IL1RAPL1: variants seen among roughly 807,000 people sequenced by gnomAD.
IL1RAPL1 encodes interleukin-1 receptor accessory protein-like 1.
A neutral mutation model predicts 48.4 loss-of-function variants in IL1RAPL1; 3 were observed. The observed-to-expected ratio is 0.06, with a 90% CI of 0.03 to 0.16. The LOEUF (loss-of-function observed/expected upper bound fraction) is 0.16, where lower values mean the gene tolerates loss of function less well. Ranked by LOEUF, IL1RAPL1 falls within the 10% of genes least tolerant of loss-of-function variation. The probability of loss-of-function intolerance (pLI) is 1.00; values close to 1 mark genes in which losing one functional copy is unlikely to be tolerated. For synonymous variants in IL1RAPL1, 185 were observed against 187.7 expected (o/e 0.99, Z 0.12); for missense variants, 349 against 530.6 (o/e 0.66, Z 3.36).
At chrX:29,513,999 C>T (rs1192846925) in intron 5 of IL1RAPL1, among the ~76,000 whole-genome samples, 2 of 111,607 alleles carry the variant, frequency 1.8e-5, no homozygotes, top group South Asian at 3.7e-4. Context: ...TTTGATTTGA[C>T]ATATGAAATA....
At chrX:28,928,537 G>A (rs1462375959) in intron 2 of IL1RAPL1, among the ~76,000 whole-genome samples, 1 of 111,576 alleles carries the variant, frequency 9.0e-6, no homozygotes, top group African/African-American at 3.3e-5. Context: ...TTTCCCACTT[G>A]CATCTCAGGC....
intron 5 of IL1RAPL1, among the ~76,000 whole-genome samples, chrX:29,464,701 A>G (rs185039165): frequency 1.8e-5 from 2 of 112,319 alleles, no homozygotes; most frequent in South Asian, 3.7e-4. Flanking sequence ...CAACAGTAGA[A>G]TGAATAAAGA....
chrX:29,705,132 C>A (rs1251376206), intron 6 of IL1RAPL1, among the ~76,000 whole-genome samples: 1 of 111,630 alleles, frequency 9.0e-6, no homozygotes, highest in Non-Finnish European at 1.9e-5. Flanking sequence ...ATTTAAAAAC[C>A]CAACTGTAAA....
intron 5 of IL1RAPL1, among the ~76,000 whole-genome samples, chrX:29,430,581 GTATA>G (rs10534053): frequency 8.3e-4 from 87 of 105,114 alleles, no homozygotes; most frequent in African/African-American, 1.2e-3. Context: ...TTATATATGT[GTATA>G]TATATATATG....
chrX:29,701,885 G>A (rs952664513), intron 6 of IL1RAPL1, among the ~76,000 whole-genome samples: 3 of 111,733 alleles, frequency 2.7e-5, no homozygotes, highest in African/African-American at 9.8e-5. Flanking sequence ...AAGGCAAGAG[G>A]AGTAAAAGAA....
At chrX:29,298,958 A>T (rs1436701257) in intron 3 of IL1RAPL1, among the ~76,000 whole-genome samples, 11 of 110,092 alleles carry the variant, frequency 1.0e-4, no homozygotes, top group African/African-American at 3.6e-4. Flanking sequence ...GCCAAAGGAG[A>T]TTAACATTTG....
At chrX:29,337,075 G>C (rs1933006580) in intron 3 of IL1RAPL1, among the ~76,000 whole-genome samples, 1 of 111,219 alleles carries the variant, frequency 9.0e-6, no homozygotes, top group Non-Finnish European at 1.9e-5. Context: ...AAAGTACTCA[G>C]CATACAAAGG....
chrX:28,738,176 TAA>T (rs751807925), intron 1 of IL1RAPL1, among the ~76,000 whole-genome samples: 6 of 101,653 alleles, frequency 5.9e-5, no homozygotes, highest in African/African-American at 2.4e-4. Context: ...TCTCTTTTTT[TAA>T]AAAAAAAAAA....
chrX:29,084,311 T>TA (rs1367490281), intron 2 of IL1RAPL1, among the ~76,000 whole-genome samples: 1 of 112,364 alleles, frequency 8.9e-6, no homozygotes, highest in Non-Finnish European at 1.9e-5. Context: ...TAGCTGTAAT[T>TA]TTTTTATCAA....
At chrX:29,430,491 G>A (rs1231140440) in intron 5 of IL1RAPL1, among the ~76,000 whole-genome samples, 1 of 111,096 alleles carries the variant, frequency 9.0e-6, no homozygotes, top group Non-Finnish European at 1.9e-5. Context: ...TCTTTGTTAG[G>A]CTTTCTGTTT....
intron 5 of IL1RAPL1, among the ~76,000 whole-genome samples, chrX:29,488,985 C>T (rs1935127514): frequency 9.0e-6 from 1 of 110,550 alleles, no homozygotes; most frequent in Non-Finnish European, 1.9e-5. Context: ...ACATTTAAGC[C>T]TAAAACCACA....
At chrX:29,398,426 G>A (rs1933946236) in intron 4 of IL1RAPL1, among the ~76,000 whole-genome samples, 2 of 111,748 alleles carry the variant, frequency 1.8e-5, no homozygotes, top group South Asian at 7.4e-4. Context: ...ATTGACTTCT[G>A]TTTTGGCAAA....
At chrX:29,174,268 G>T (rs777211584) in intron 2 of IL1RAPL1, among the ~76,000 whole-genome samples, 1 of 111,529 alleles carries the variant, frequency 9.0e-6, no homozygotes, top group Non-Finnish European at 1.9e-5. Context: ...GATATGAGAT[G>T]ATTTGCATGG....
intron 2 of IL1RAPL1, among the ~76,000 whole-genome samples, chrX:28,954,668 T>C (rs1924556797): frequency 1.8e-5 from 2 of 111,165 alleles, no homozygotes; most frequent in Non-Finnish European, 3.8e-5. Flanking sequence ...TAGGTTATCA[T>C]AACATGCATG....
chrX:28,911,273 C>CT (rs1291049865), intron 2 of IL1RAPL1, among the ~76,000 whole-genome samples: 6 of 110,683 alleles, frequency 5.4e-5, no homozygotes, highest in Non-Finnish European at 7.6e-5. Context: ...ATAAATAAAG[C>CT]TTTTTTTTCT....
At chrX:29,889,845 T>A (rs762636851) in intron 6 of IL1RAPL1, among the ~76,000 whole-genome samples, 1 of 110,483 alleles carries the variant, frequency 9.1e-6, no homozygotes, top group African/African-American at 3.3e-5. Context: ...CTCTTCATCA[T>A]CTATCCTTTT....
chrX:29,046,324 C>T (rs1198038618), intron 2 of IL1RAPL1, among the ~76,000 whole-genome samples: 1 of 111,231 alleles, frequency 9.0e-6, no homozygotes, highest in Admixed American at 9.6e-5. Context: ...TCCCAAAGCC[C>T]TGGGATTGCA....
At chrX:28,684,871 TAATC>T (rs1935095174) in intron 1 of IL1RAPL1, among the ~76,000 whole-genome samples, 1 of 112,115 alleles carries the variant, frequency 8.9e-6, no homozygotes, top group Non-Finnish European at 1.9e-5. Context: ...ATTTTTAAAT[TAATC>T]TCACATTGAT....
chrX:28,907,210 C>T (rs1431376046), intron 2 of IL1RAPL1, among the ~76,000 whole-genome samples: 4 of 111,414 alleles, frequency 3.6e-5, no homozygotes, highest in African/African-American at 1.3e-4. Flanking sequence ...TTTCTTTAGT[C>T]TCTTGTTGTA....
Sources: allele counts gnomAD v4.1 joint callset (sites outside exome capture counted in the v4.1 genomes callset), GRCh38; gene constraint gnomAD v4.1.1; transcripts MANE v1.5; gene names NCBI Gene and HGNC (gene_info 2026-07-23, HGNC 2026-07-21).